The following PCDH15 variants were observed in gnomAD, a reference collection of about 807,000 sequenced individuals.
PCDH15 encodes protocadherin related 15.
Under a neutral mutation model 178.5 loss-of-function variants are expected in PCDH15, and 129 were observed. That is an observed-to-expected ratio of 0.72 (90% CI 0.63 to 0.84). The LOEUF (loss-of-function observed/expected upper bound fraction) is 0.84. Ranked by LOEUF, PCDH15 falls within the 40% of genes least tolerant of loss-of-function variation. The pLI is 0.00. For synonymous variants in PCDH15, 800 were observed against 732.0 expected (o/e 1.09, Z -1.50); for missense variants, 2,230 against 2,099.9 (o/e 1.06, Z -1.21).
intron 2 of PCDH15, among the ~76,000 whole-genome samples, chr10:55,532,580 C>T (rs1241805626): frequency 1.3e-5 from 2 of 152,024 alleles, no homozygotes; most frequent in Admixed American, 1.3e-4. Context: ...CTTCCTAAAG[C>T]CAAACGTAAT....
chr10:53,958,992 A>AAAAGAAAAAG lies in PCDH15; in HGVS notation c.3122+739_3122+740insCTTTTTCTTT, dbSNP rs1475825860. Among the ~76,000 whole-genome samples the AAAAGAAAAAG allele has an allele frequency of 8.8e-3, 1,317 of 149,184 alleles. 25 individuals are homozygous for AAAAGAAAAAG. The highest frequency in any genetic ancestry group is 0.028 in the African/African-American group (1,152 of 40,536). On this transcript the variant is annotated intron_variant, in intron 23 of 37. Transcript: ENST00000644397. ...AGACTCCATCTCAAAAAAAAAAAAAAAAAAAAAAAAAAGAACAGAATTTTC... is the reference window on the plus strand; with the variant it reads ...AGACTCCATCTCAAAAAAAAAAAAAAAAAGAAAAAGAAAAAAAAAAAAGAACAGAATTTTC...
At chr10:55,433,424 C>A (rs1838940159) in intron 2 of PCDH15, among the ~76,000 whole-genome samples, 1 of 152,044 alleles carries the variant, frequency 6.6e-6, no homozygotes, top group Non-Finnish European at 1.5e-5. Flanking sequence ...CACTTAAGGG[C>A]AGAGCATGAG....
intron 15 of PCDH15, among the ~76,000 whole-genome samples, chr10:54,121,620 T>C (rs1313244894): frequency 6.6e-6 from 1 of 152,042 alleles, no homozygotes. Flanking sequence ...AGTGGTGTAA[T>C]GTCACAGCCG....
At chr10:54,161,863 T>C (rs529025217) in intron 13 of PCDH15, among the ~76,000 whole-genome samples, 5 of 152,124 alleles carry the variant, frequency 3.3e-5, no homozygotes, top group Non-Finnish European at 7.4e-5. Context: ...TTTGGGGAGA[T>C]GGATTTGAGA....
At chr10:54,015,988 C>T (rs1318312746) in intron 20 of PCDH15, among the ~76,000 whole-genome samples, 1 of 152,042 alleles carries the variant, frequency 6.6e-6, no homozygotes, top group Non-Finnish European at 1.5e-5. Context: ...AGGCCACCTA[C>T]AGAATGGGTG....
chr10:54,291,633 G>A (rs1222673689), intron 8 of PCDH15, among the ~76,000 whole-genome samples: 1 of 152,126 alleles, frequency 6.6e-6, no homozygotes, highest in East Asian at 1.9e-4. Flanking sequence ...AAATGACAAA[G>A]TGGATATCAC....
At chr10:55,356,751 A>G (rs1326945954) in intron 2 of PCDH15, among the ~76,000 whole-genome samples, 1 of 151,898 alleles carries the variant, frequency 6.6e-6, no homozygotes, top group African/African-American at 2.4e-5. Flanking sequence ...GTGTGTGACT[A>G]TATTTATTTT....
At chr10:54,888,960 A>C (rs1954411195) in intron 3 of PCDH15, among the ~76,000 whole-genome samples, 1 of 151,714 alleles carries the variant, frequency 6.6e-6, no homozygotes, top group African/African-American at 2.4e-5. Flanking sequence ...AAATTGTTCT[A>C]TCTCGTTAAA....
intron 2 of PCDH15, among the ~76,000 whole-genome samples, chr10:55,060,934 T>C (rs898208586): frequency 6.6e-6 from 1 of 151,850 alleles, no homozygotes; most frequent in Admixed American, 6.6e-5. Flanking sequence ...AAAATAAAAA[T>C]TAATCACAGT....
At chr10:54,201,400 A>G (rs1307695919) in intron 10 of PCDH15, among the ~76,000 whole-genome samples, 1 of 151,846 alleles carries the variant, frequency 6.6e-6, no homozygotes, top group South Asian at 2.1e-4. Flanking sequence ...AATTTATGAA[A>G]TATTTTTCTA....
chr10:55,436,688 A>G (rs956586086), intron 2 of PCDH15, among the ~76,000 whole-genome samples: 5 of 152,136 alleles, frequency 3.3e-5, no homozygotes, highest in African/African-American at 1.2e-4. Flanking sequence ...ACCGATATTA[A>G]TTGTCTCTGC....
chr10:54,219,095 A>C (rs1260940650), intron 9 of PCDH15, among the ~76,000 whole-genome samples: 2 of 138,796 alleles, frequency 1.4e-5, no homozygotes, highest in Admixed American at 1.4e-4. Context: ...CTACTAAAAA[A>C]AAAAAAAAAA....
intron 3 of PCDH15, among the ~76,000 whole-genome samples, chr10:54,468,484 T>C (rs2077678203): frequency 6.6e-6 from 1 of 152,024 alleles, no homozygotes; most frequent in Non-Finnish European, 1.5e-5. Flanking sequence ...GTTCTTGTTA[T>C]TTTTTATTCC....
chr10:54,804,498 A>AT (rs1952742574), upstream of PCDH15, among the ~76,000 whole-genome samples: 1 of 152,018 alleles, frequency 6.6e-6, no homozygotes, highest in Non-Finnish European at 1.5e-5. Flanking sequence ...GTCTGTTTTC[A>AT]TGGATTTTTA....
intron 1 of PCDH15, among the ~76,000 whole-genome samples, chr10:55,226,259 G>C (rs1034415374): frequency 6.6e-6 from 1 of 152,148 alleles, no homozygotes; most frequent in Admixed American, 6.5e-5. Context: ...TCTCAGAGGA[G>C]AAGAGATTGA....
chr10:55,330,244 T>C (rs986702555), intron 2 of PCDH15, among the ~76,000 whole-genome samples: 2 of 151,920 alleles, frequency 1.3e-5, no homozygotes, highest in South Asian at 2.1e-4. Flanking sequence ...ATCATGAGAT[T>C]CAGAAAGTTA....
At chr10:54,588,656 C>T (rs1263038318) in intron 2 of PCDH15, among the ~76,000 whole-genome samples, 2 of 62,450 alleles carry the variant, frequency 3.2e-5, no homozygotes, top group East Asian at 9.9e-4. Context: ...CAGCTCCATG[C>T]AGCCTCTACT....
intron 11 of PCDH15, among the ~76,000 whole-genome samples, chr10:54,187,418 A>G (rs1161777191): frequency 2.0e-5 from 3 of 151,906 alleles, no homozygotes; most frequent in Non-Finnish European, 4.4e-5. Context: ...CTGTAGTATA[A>G]TATGTTTGTG....
intron 3 of PCDH15, among the ~76,000 whole-genome samples, chr10:54,442,610 CAT>C (rs969655370): frequency 1.3e-5 from 2 of 148,712 alleles, no homozygotes; most frequent in African/African-American, 2.5e-5. Flanking sequence ...AGAGTGGAGT[CAT>C]ATATGTGCAG....
Sources: allele counts gnomAD v4.1 joint callset (sites outside exome capture counted in the v4.1 genomes callset), GRCh38; gene constraint gnomAD v4.1.1; transcripts MANE v1.5; gene names NCBI Gene and HGNC (gene_info 2026-07-23, HGNC 2026-07-21).